HAUS1: variants seen among roughly 807,000 people sequenced by gnomAD.
HAUS1 encodes HAUS augmin-like complex subunit 1.
A neutral mutation model predicts 38.6 loss-of-function variants in HAUS1; 25 were observed. The ratio of observed to expected loss-of-function variants is 0.65; its 90% CI spans 0.47 to 0.91. The LOEUF is 0.91. HAUS1 is among the 40% of genes least tolerant of loss of function. The probability of loss-of-function intolerance (pLI) is 0.00; values close to 1 mark genes in which losing one functional copy is unlikely to be tolerated. For synonymous variants in HAUS1, 109 were observed against 112.9 expected (o/e 0.97, Z 0.22); for missense variants, 325 against 328.4 (o/e 0.99, Z 0.08).
At chr18:46,127,750 C>T (rs1912150490) in intron 8 of HAUS1, among the ~76,000 whole-genome samples, 1 of 150,686 alleles carries the variant, frequency 6.6e-6, no homozygotes, top group Admixed American at 6.6e-5. Flanking sequence ...ATGTGAGTGA[C>T]ATTGTGGAAG....
At chr18:46,113,199 C>T (rs1234966393) in intron 2 of HAUS1, among the ~76,000 whole-genome samples, 1 of 150,882 alleles carries the variant, frequency 6.6e-6, no homozygotes, top group African/African-American at 2.4e-5. Flanking sequence ...GCCTCAGTCT[C>T]CCAAGTAGCT....
intron 2 of HAUS1, among the ~76,000 whole-genome samples, chr18:46,115,875 G>T (rs1239338151): frequency 6.6e-6 from 1 of 152,114 alleles, no homozygotes; most frequent in Non-Finnish European, 1.5e-5. Flanking sequence ...TCAGCACTTC[G>T]GGAGGCTGAG....
At chr18:46,128,050 C>G (rs185499528) in intron 8 of HAUS1, 25 bp from the exon 9 acceptor site, 396 of 1,444,416 alleles carry the variant, frequency 2.7e-4, no homozygotes, top group Non-Finnish European at 3.6e-4. Flanking sequence ...ATGTCCTTAT[C>G]TATGGTATGT....
At chr18:46,127,178 G>T (rs1466765039) in intron 8 of HAUS1, among the ~76,000 whole-genome samples, 3 of 151,350 alleles carry the variant, frequency 2.0e-5, no homozygotes, top group African/African-American at 4.9e-5. Context: ...CACCATGTTG[G>T]CCAGGCTGGT....
chr18:46,111,533 A>G (rs4260155), intron 2 of HAUS1, among the ~76,000 whole-genome samples: 36,104 of 151,894 alleles, frequency 0.24, 5,663 homozygotes, highest in African/African-American at 0.43. Context: ...TGTTGGCCAG[A>G]CTGGTTTTGA....
intron 7 of HAUS1, 67 bp from the exon 8 acceptor site, chr18:46,125,677 C>T (rs1014113361): frequency 2.8e-6 from 3 of 1,063,790 alleles, no homozygotes; most frequent in Non-Finnish European, 4.2e-6. Flanking sequence ...AGGATTATGG[C>T]ATTATTTTTC....
chr18:46,124,508 CT>C (rs1476833015), intron 6 of HAUS1, among the ~76,000 whole-genome samples: 4 of 151,322 alleles, frequency 2.6e-5, no homozygotes, highest in African/African-American at 9.7e-5. Context: ...ATTGGTTGAG[CT>C]GAGGAGTTTG....
rs370835393 is a variant in HAUS1, at chr18:46,122,304, T to TC, written c.477-163_477-162insC. ...GGGTGACAGACCAAGACCTCATCTC[T>TC]TAAAAAAAAAAAAAACCCAGAGTGC... is the stretch of plus-strand genomic sequence containing the variant. On this transcript the variant is annotated intron_variant, in intron 4 of 8. Coordinates refer to ENST00000282058, the MANE Select transcript of HAUS1 (RefSeq NM_138443.4). 4.2e-4 allele frequency among the ~76,000 whole-genome samples: 62 copies of TC among 148,422 alleles called. 2 individuals are homozygous for TC. The highest frequency in any genetic ancestry group is 1.2e-3 in the African/African-American group (49 of 40,160).
chr18:46,127,571 G>A (rs1247474736), intron 8 of HAUS1, among the ~76,000 whole-genome samples: 1 of 151,998 alleles, frequency 6.6e-6, no homozygotes, highest in African/African-American at 2.4e-5. Flanking sequence ...GCCGGGCATG[G>A]TGGTGGGCGC....
chr18:46,107,741 T>C (rs1911515351), intron 2 of HAUS1, among the ~76,000 whole-genome samples: 1 of 152,210 alleles, frequency 6.6e-6, no homozygotes, highest in Non-Finnish European at 1.5e-5. Flanking sequence ...ATAATCCAAA[T>C]CATTTTTTAG....
Position 46,105,174 on chromosome 18 carries a change from GTCTT to G in HAUS1, c.31-14_31-11del. The stretch of plus-strand genomic sequence containing the variant: ...ACAGTAAACAAGGCTTATAATATTT[GTCTT>G]TCTTTTAATGGTTAGGTTGCTGCGT... On this transcript the variant is annotated splice_polypyrimidine_tract_variant and intron_variant, in intron 1 of 8. Transcript: ENST00000282058. 2 of 1,569,394 alleles carry G rather than the reference GTCTT, an allele frequency of 1.3e-6. No homozygotes were observed.
Position 46,104,854 on chromosome 18 carries a change from GA to G in HAUS1, c.31-339del, listed in dbSNP as rs1461439036. ...GATCGAGGGACAATTGCTTTTTTCAGACCATGCACGGTCTAATAATGCGTTC... is the reference window on the plus strand; with the variant it reads ...GATCGAGGGACAATTGCTTTTTTCAGCCATGCACGGTCTAATAATGCGTTC... On this transcript the variant is annotated intron_variant, in intron 1 of 8. Coordinates refer to ENST00000282058, the MANE Select transcript of HAUS1 (RefSeq NM_138443.4). Among the ~76,000 whole-genome samples, 3 of 150,292 alleles carry G rather than the reference GA, an allele frequency of 2.0e-5. No individual in the cohort carries two copies. The South Asian group carries it at 6.2e-4, about 31-fold the overall frequency.
intron 8 of HAUS1, among the ~76,000 whole-genome samples, chr18:46,126,991 C>T (rs936015446): frequency 4.0e-5 from 6 of 151,804 alleles, no homozygotes; most frequent in East Asian, 1.9e-4. Flanking sequence ...CCTGCCACCA[C>T]GCCTGGCTAA....
intron 8 of HAUS1, among the ~76,000 whole-genome samples, chr18:46,126,132 G>T (rs1188946878): frequency 6.6e-6 from 1 of 152,006 alleles, no homozygotes; most frequent in Non-Finnish European, 1.5e-5. Context: ...AAAATAAGCT[G>T]GGCGTGGTGA....
intron 2 of HAUS1, among the ~76,000 whole-genome samples, chr18:46,117,092 G>A (rs1041926976): frequency 2.0e-5 from 3 of 152,196 alleles, no homozygotes; most frequent in African/African-American, 7.2e-5. Flanking sequence ...TAATGGGAAT[G>A]TAAAATCATA....
chr18:46,110,248 T>C (rs1216585575), intron 2 of HAUS1, among the ~76,000 whole-genome samples: 1 of 147,710 alleles, frequency 6.8e-6, no homozygotes, highest in Non-Finnish European at 1.5e-5. Context: ...CTCGAACTTC[T>C]GGGCTCAAGT....
At chr18:46,122,413 A>T in intron 4 of HAUS1, 54 bp from the exon 5 acceptor site, 1 of 1,575,406 alleles carries the variant, frequency 6.3e-7, no homozygotes, top group East Asian at 2.2e-5. Flanking sequence ...CTATTGTACA[A>T]TACTTTTACT....
chr18:46,117,683 G>A (rs961252464), intron 2 of HAUS1, among the ~76,000 whole-genome samples: 10 of 152,110 alleles, frequency 6.6e-5, no homozygotes, highest in South Asian at 2.1e-4. Flanking sequence ...AGTGGCTTAC[G>A]CTTGTAATTC....
intron 2 of HAUS1, among the ~76,000 whole-genome samples, chr18:46,109,470 A>C (rs1911563862): frequency 6.6e-6 from 1 of 152,150 alleles, no homozygotes; most frequent in Non-Finnish European, 1.5e-5. Flanking sequence ...TTTCATTATG[A>C]CCAGAGAATA....
Sources: allele counts gnomAD v4.1 joint callset (sites outside exome capture counted in the v4.1 genomes callset), GRCh38; gene constraint gnomAD v4.1.1; transcripts MANE v1.5; gene names NCBI Gene and HGNC (gene_info 2026-07-23, HGNC 2026-07-21).